Variants in MED27 observed in about 807,000 individuals in gnomAD.
MED27 encodes mediator of RNA polymerase II transcription subunit 27.
MED27 carries 30 observed loss-of-function variants against 38.2 expected under a neutral mutation model. That is an observed-to-expected ratio of 0.79 (90% confidence interval 0.59 to 1.07). The LOEUF is 1.07. Among genes scored for constraint, MED27 ranks in the 50% least tolerant of loss-of-function variants. The probability of loss-of-function intolerance (pLI) is 0.00; values close to 1 mark genes in which losing one functional copy is unlikely to be tolerated. For missense variants in MED27, 289 were observed against 397.5 expected, an observed-to-expected ratio of 0.73 and a Z score of 2.32; for synonymous variants, 122 against 153.5, an observed-to-expected ratio of 0.79 and a Z score of 1.52.
rs1191472999 is a variant in MED27 at position 131,997,540 on chromosome 9, T to C, written c.479+16797A>G. Among the ~76,000 whole-genome samples the C allele has an allele frequency of 6.6e-6, 1 of 152,214 alleles. No individual in the cohort carries two copies. Among genetic ancestry groups the C allele is most frequent in the Admixed American group, 6.5e-5 (1 of 15,274 alleles). ...CCGAGGCGTTGCCAGCCCTGCACTG[T>C]AGGCTGCCATCTCCCCCAGCAGTCC... On this transcript the variant is annotated intron_variant, in intron 3 of 7. Coordinates refer to ENST00000292035, the MANE Select transcript of MED27 (RefSeq NM_004269.4). This position sits in a 1 kb window ranked among gnomAD's most constrained non-coding sequence, Gnocchi z 4.0.
At chr9:132,041,288 T>C (rs772926064) in intron 2 of MED27, among the ~76,000 whole-genome samples, 1 of 152,180 alleles carries the variant, frequency 6.6e-6, no homozygotes, top group Non-Finnish European at 1.5e-5. Context: ...GAGCCCAGAC[T>C]TGAGTGGACT....
intron 2 of MED27, among the ~76,000 whole-genome samples, chr9:132,018,937 T>C (rs537345664): frequency 6.6e-6 from 1 of 152,040 alleles, no homozygotes; most frequent in Admixed American, 6.5e-5. Flanking sequence ...ACTTTGCATA[T>C]AATTACATAT....
chr9:132,041,111 G>A (rs940557071), intron 2 of MED27, among the ~76,000 whole-genome samples: 2 of 152,148 alleles, frequency 1.3e-5, no homozygotes, highest in Non-Finnish European at 2.9e-5. Context: ...AGTAAAGAGG[G>A]GTAGAGAGAA....
At chr9:131,954,176 T>A (rs1013073795) in intron 3 of MED27, among the ~76,000 whole-genome samples, 1 of 152,152 alleles carries the variant, frequency 6.6e-6, no homozygotes, top group African/African-American at 2.4e-5. Flanking sequence ...ACAAGCACCC[T>A]AGGAGTGGCC....
intron 3 of MED27, among the ~76,000 whole-genome samples, chr9:131,947,582 C>T (rs1830909555): frequency 6.6e-6 from 1 of 152,168 alleles, no homozygotes; most frequent in Non-Finnish European, 1.5e-5. Context: ...TTTTACTCCA[C>T]ACATCCAAAT....
At chr9:131,930,720 A>G (rs546794179) in intron 4 of MED27, among the ~76,000 whole-genome samples, 6 of 152,360 alleles carry the variant, frequency 3.9e-5, no homozygotes, top group African/African-American at 1.4e-4. Flanking sequence ...AACACGTAAT[A>G]TTATGATACT....
At chr9:131,870,010 G>A (rs926262426) in intron 6 of MED27, among the ~76,000 whole-genome samples, 1 of 152,190 alleles carries the variant, frequency 6.6e-6, no homozygotes, top group Non-Finnish European at 1.5e-5. Context: ...CCTTGAAACA[G>A]CTGCCAGTCA....
chr9:132,067,516 G>A (rs539030925), intron 2 of MED27, among the ~76,000 whole-genome samples: 6 of 152,314 alleles, frequency 3.9e-5, no homozygotes, highest in African/African-American at 1.2e-4. Context: ...CTTGGGGAAC[G>A]ACAATTACTT....
chr9:132,021,358 T>C (rs1832712869), intron 2 of MED27, among the ~76,000 whole-genome samples: 2 of 151,934 alleles, frequency 1.3e-5, no homozygotes, highest in African/African-American at 2.4e-5. Flanking sequence ...CATATCTGAA[T>C]GAATTCACTA....
At chr9:132,033,562 G>C (rs1478753499) in intron 2 of MED27, among the ~76,000 whole-genome samples, 1 of 152,146 alleles carries the variant, frequency 6.6e-6, no homozygotes, top group South Asian at 2.1e-4. Flanking sequence ...CCTCTCCATC[G>C]AATGTCATCA....
chr9:131,939,735 C>A (rs372357275), intron 3 of MED27, among the ~76,000 whole-genome samples: 1 of 152,068 alleles, frequency 6.6e-6, no homozygotes, highest in Non-Finnish European at 1.5e-5. Flanking sequence ...AGCTGTGTCA[C>A]CTGCTGGGCC....
At chr9:131,956,033 G>C (rs1379743081) in intron 3 of MED27, among the ~76,000 whole-genome samples, 1 of 152,180 alleles carries the variant, frequency 6.6e-6, no homozygotes, top group Non-Finnish European at 1.5e-5. Context: ...AATATATCAT[G>C]ATCAAGTGTA....
rs372793633 is a variant in MED27 at position 131,860,589 on chromosome 9, T to C, written c.885A>G (p.Thr295=). Residue 295 remains threonine, a synonymous_variant, in exon 8 of 8, where the codon ACA becomes ACG. Transcript: ENST00000292035. This position sits in a 1 kb window ranked among gnomAD's most constrained non-coding sequence, Gnocchi z 5.8. The part of the protein sequence containing the change: ...GKFLQDGLPP[T]WRDFRTLEAF... Reference sequence around the variant, plus strand: ...CTTCGAGGGTTCGGAAATCCCTCCATGTCGGGGGAAGGCCGTCCTGCAGAA... The same window carrying C: ...CTTCGAGGGTTCGGAAATCCCTCCACGTCGGGGGAAGGCCGTCCTGCAGAA... 6.2e-6 allele frequency: 10 copies of C among 1,601,512 alleles called. No individual in the cohort carries two copies. The South Asian group carries it at 7.9e-5, about 13-fold the overall frequency.
chr9:132,054,401 A>G (rs1833530712), intron 2 of MED27, among the ~76,000 whole-genome samples: 1 of 152,210 alleles, frequency 6.6e-6, no homozygotes, highest in South Asian at 2.1e-4. Flanking sequence ...TGCAGCCTGC[A>G]GAACGGTGAA....
intron 4 of MED27, among the ~76,000 whole-genome samples, chr9:131,915,054 A>G (rs929204000): frequency 2.2e-4 from 33 of 152,314 alleles, no homozygotes; most frequent in East Asian, 1.9e-4. Flanking sequence ...AAGACTAAGG[A>G]TGTCAACTTG....
At chr9:131,934,200 C>T (rs775623935) in intron 4 of MED27, among the ~76,000 whole-genome samples, 1 of 152,124 alleles carries the variant, frequency 6.6e-6, no homozygotes, top group Non-Finnish European at 1.5e-5. Context: ...GGAAATTCTC[C>T]AGGACATTGG....
chr9:131,867,728 C>T (rs776978974), intron 6 of MED27, among the ~76,000 whole-genome samples: 1 of 152,268 alleles, frequency 6.6e-6, no homozygotes, highest in Admixed American at 6.5e-5. Flanking sequence ...GGGGCCCAGA[C>T]ACTAAGTCAG....
At chr9:132,040,464 A>C (rs1253564358) in intron 2 of MED27, among the ~76,000 whole-genome samples, 3 of 152,226 alleles carry the variant, frequency 2.0e-5, no homozygotes, top group Non-Finnish European at 4.4e-5. Context: ...CATGCAGAGA[A>C]GGCATCACCT....
chr9:132,001,918 T>C lies in MED27; in HGVS notation c.479+12419A>G, dbSNP rs562073371. 7.9e-5 allele frequency among the ~76,000 whole-genome samples: 12 copies of C among 151,908 alleles called. No individual in the cohort carries two copies. The East Asian group carries it at 2.5e-3, about 32-fold the overall frequency. On this transcript the variant is annotated intron_variant, in intron 3 of 7. Coordinates refer to ENST00000292035, the MANE Select transcript of MED27 (RefSeq NM_004269.4). ...GGAGCTGCTTAAAAATATGGATGAC[T>C]GGGCCTCTTCCCTGAAACAACTCCC...
Sources: gnomAD v4.1 joint callset for allele counts (sites outside exome capture counted in the v4.1 genomes callset) on GRCh38, gnomAD v4.1.1 for gene constraint, Gnocchi (gnomAD v3.1) non-coding constraint, MANE v1.5 for transcripts, NCBI Gene and HGNC (gene_info 2026-07-23, HGNC 2026-07-21) for gene names.